LYSMD2: variants seen among roughly 807,000 people sequenced by gnomAD.
LYSMD2 encodes the protein LysM domain containing 2.
In LYSMD2, 6 loss-of-function variants were observed where a neutral mutation model predicts 17.7. The observed-to-expected ratio is 0.34, with a 90% confidence interval of 0.19 to 0.67. The LOEUF is 0.67. LYSMD2 is among the 30% of genes least tolerant of loss of function. LYSMD2 has a pLI of 0.69. For missense variants in LYSMD2, 237 were observed against 286.7 expected, an observed-to-expected ratio of 0.83 and a Z score of 1.25; for synonymous variants, 102 against 129.8, an observed-to-expected ratio of 0.79 and a Z score of 1.45.
At chr15:51,729,790 G>T (rs964746376) in intron 1 of LYSMD2, among the ~76,000 whole-genome samples, 1 of 152,334 alleles carries the variant, frequency 6.6e-6, no homozygotes, top group Non-Finnish European at 1.5e-5. Context: ...CTGTCTGAAC[G>T]TAGCTGGGTC....
At chr15:51,747,912 T>G (rs938380184) in intron 1 of LYSMD2, among the ~76,000 whole-genome samples, 3 of 152,232 alleles carry the variant, frequency 2.0e-5, no homozygotes, top group Non-Finnish European at 4.4e-5. Flanking sequence ...GAAGCATCTT[T>G]GACACAAATT....
intron 1 of LYSMD2, among the ~76,000 whole-genome samples, chr15:51,743,328 A>G (rs2055652339): frequency 6.6e-6 from 1 of 152,172 alleles, no homozygotes; most frequent in Non-Finnish European, 1.5e-5. Flanking sequence ...CTGTGTTTAG[A>G]TTCATTGTTT....
chr15:51,737,674 C>CCTT, upstream of LYSMD2: 1 of 1,182,046 alleles, frequency 8.5e-7, no homozygotes, highest in Non-Finnish European at 1.1e-6. This position sits in a 1 kb window ranked among gnomAD's most constrained non-coding sequence, Gnocchi z 4.2. Context: ...GGCGGCGCCT[C>CCTT]CTCCTCCTCC....
chr15:51,741,699 C>T (rs1040000588), upstream of LYSMD2, among the ~76,000 whole-genome samples: 6 of 152,198 alleles, frequency 3.9e-5, no homozygotes, highest in East Asian at 3.9e-4. Flanking sequence ...GCAGGTGGAT[C>T]GCTTAAGGCC....
At chr15:51,735,562 T>C (rs1341228390) in intron 1 of LYSMD2, among the ~76,000 whole-genome samples, 1 of 152,264 alleles carries the variant, frequency 6.6e-6, no homozygotes, top group Non-Finnish European at 1.5e-5. Flanking sequence ...CTATCAATTA[T>C]AGTTCCTGAT....
intron 1 of LYSMD2, among the ~76,000 whole-genome samples, chr15:51,745,406 C>T (rs1385972674): frequency 1.3e-5 from 2 of 152,078 alleles, no homozygotes; most frequent in Admixed American, 6.5e-5. Flanking sequence ...ATACCATGAC[C>T]AACTGGGATT....
chr15:51,734,953 T>A (rs924790423), intron 1 of LYSMD2, among the ~76,000 whole-genome samples: 1 of 152,240 alleles, frequency 6.6e-6, no homozygotes, highest in Admixed American at 6.5e-5. Flanking sequence ...GGTGGGTGGA[T>A]TGCTTGAGCC....
chr15:51,746,354 G>C (rs1001379771), intron 1 of LYSMD2, among the ~76,000 whole-genome samples: 1 of 152,180 alleles, frequency 6.6e-6, no homozygotes, highest in South Asian at 2.1e-4. Flanking sequence ...AGTCATAAAA[G>C]ACAACATGTT....
Position 51,737,404 on chromosome 15 carries a change from G to T in LYSMD2, c.219C>A (p.His73Gln), listed in dbSNP as rs948263410. The T allele has an allele frequency of 1.4e-6, 2 of 1,456,848 alleles. No individual in the cohort carries two copies. Among genetic ancestry groups the T allele is most frequent in the Admixed American group, 2.5e-5 (1 of 39,672 alleles). 90.2% of individuals were successfully genotyped at this position (1,456,848 alleles called of 1,614,324 possible). Reference sequence around the variant, plus strand: ...GCAGCGTGTCGCCCGCGCGGACCCGGTGCTCCACATGGCGCTCGATGACGC... The same window carrying T: ...GCAGCGTGTCGCCCGCGCGGACCCGTTGCTCCACATGGCGCTCGATGACGC... The part of the protein sequence containing the change: ...GAGVIERHVE[H>Q]RVRAGDTLQG... The change falls in exon 1 of 3, where the codon CAC (histidine) becomes CAA (glutamine). Residue 73 changes from histidine to glutamine, a missense_variant. Transcript: ENST00000267838. The surrounding 1 kb of genome is among the most constrained non-coding windows in gnomAD (Gnocchi z 4.2).
intron 1 of LYSMD2, among the ~76,000 whole-genome samples, chr15:51,733,731 G>A (rs1451986431): frequency 6.6e-6 from 1 of 152,066 alleles, no homozygotes; most frequent in Non-Finnish European, 1.5e-5. Context: ...CAAGTGTGAG[G>A]CCCTTCTAAG....
chr15:51,727,802 A>G (rs997242166), intron 1 of LYSMD2, among the ~76,000 whole-genome samples: 3 of 152,208 alleles, frequency 2.0e-5, no homozygotes, highest in African/African-American at 7.2e-5. Flanking sequence ...CTTCATCTCA[A>G]TGTCATTAGT....
intron 1 of LYSMD2, among the ~76,000 whole-genome samples, chr15:51,726,163 A>G (rs1306158299): frequency 6.6e-6 from 1 of 152,188 alleles, no homozygotes; most frequent in East Asian, 1.9e-4. Flanking sequence ...AAGGAATGAG[A>G]TTTTTAAAAA....
chr15:51,727,380 A>G (rs1055407218), intron 1 of LYSMD2, among the ~76,000 whole-genome samples: 3 of 152,190 alleles, frequency 2.0e-5, no homozygotes, highest in African/African-American at 7.2e-5. Flanking sequence ...TCCCAGATCC[A>G]AGGCTCCAGA....
chr15:51,737,703 T>C (rs763595609), upstream of LYSMD2: 4,844 of 1,027,350 alleles, frequency 4.7e-3, 18 homozygotes, highest in Non-Finnish European at 5.1e-3. This position sits in a 1 kb window ranked among gnomAD's most constrained non-coding sequence, Gnocchi z 4.2. Context: ...CGCCGCCTCT[T>C]CCTCTTCACA....
chr15:51,729,439 C>A (rs140607479), intron 1 of LYSMD2, among the ~76,000 whole-genome samples: 12 of 152,240 alleles, frequency 7.9e-5, no homozygotes, highest in African/African-American at 2.4e-4. Flanking sequence ...TTTTCTTTTG[C>A]TTTGGTATGT....
chr15:51,723,585 TAG>T lies in LYSMD2; in HGVS notation c.*20_*21del. The T allele has an allele frequency of 1.3e-6, 2 of 1,591,312 alleles. No homozygotes were observed. The highest frequency in any genetic ancestry group is 1.7e-6 in the Non-Finnish European group (2 of 1,160,142). On this transcript the variant is annotated 3_prime_UTR_variant, in exon 3 of 3. Transcript: ENST00000267838. Reference sequence around the variant, plus strand: ...GGTCCAAACATATCTTAATTTTGGTTAGAGTTATGCCCCCAAATCACCTAACT... The same window carrying T: ...GGTCCAAACATATCTTAATTTTGGTTAGTTATGCCCCCAAATCACCTAACT...
chr15:51,725,070 G>A lies in LYSMD2; in HGVS notation c.325C>T (p.Leu109=). 1 of 1,612,618 alleles carries A rather than the reference G, an allele frequency of 6.2e-7. No homozygotes were observed. Among genetic ancestry groups the A allele is most frequent in the African/African-American group, 1.3e-5 (1 of 74,902 alleles). The part of the protein sequence containing the change: ...NKLFTNDCIF[L]KKTLNIPVIS... ...ACTGGGATGTTCAAAGTTTTCTTCA[G>A]AAATATACAATCATTGGTAAACAGT... The change falls in exon 2 of 3, where the codon CTG becomes TTG. Residue 109 remains leucine (L), a synonymous_variant. Coordinates refer to ENST00000267838, the MANE Select transcript of LYSMD2 (RefSeq NM_153374.3).
intron 1 of LYSMD2, among the ~76,000 whole-genome samples, chr15:51,750,006 C>T (rs1322020457): frequency 2.6e-5 from 4 of 152,236 alleles, no homozygotes; most frequent in African/African-American, 9.6e-5. Context: ...GTTCATCATG[C>T]TAGTTCCCAG....
chr15:51,727,079 T>G lies in LYSMD2; in HGVS notation c.274-1958A>C, dbSNP rs73405345. Among the ~76,000 whole-genome samples the G allele has an allele frequency of 2.3e-3, 351 of 152,246 alleles. 1 individual carries two copies. Among genetic ancestry groups the G allele is most frequent in the African/African-American group, 8.1e-3 (335 of 41,534 alleles). ...ACAGGTGGATGGAAGGATGGATGGATGGATGAATTAACGCAGGTCAGAGGA... is the reference window on the plus strand; with the variant it reads ...ACAGGTGGATGGAAGGATGGATGGAGGGATGAATTAACGCAGGTCAGAGGA... On this transcript the variant is annotated intron_variant, in intron 1 of 2. Coordinates refer to ENST00000267838, the MANE Select transcript of LYSMD2 (RefSeq NM_153374.3).
Sources: gnomAD v4.1 joint callset for allele counts (sites outside exome capture counted in the v4.1 genomes callset) on GRCh38, gnomAD v4.1.1 for gene constraint, Gnocchi (gnomAD v3.1) non-coding constraint, MANE v1.5 for transcripts, NCBI Gene and HGNC (gene_info 2026-07-23, HGNC 2026-07-21) for gene names.